The following PHF21B variants were observed in gnomAD, a reference collection of about 807,000 sequenced individuals.
PHF21B encodes PHD finger protein 21B.
PHF21B carries 22 observed loss-of-function variants against 62.2 expected under a neutral mutation model. That is an observed-to-expected ratio of 0.35 (90% confidence interval 0.25 to 0.51). The LOEUF is 0.51. PHF21B is among the 20% of genes least tolerant of loss of function. PHF21B has a pLI of 0.97. For synonymous variants in PHF21B, 341 were observed against 314.7 expected, an observed-to-expected ratio of 1.08 and a Z score of -0.88; for missense variants, 701 against 707.9, an observed-to-expected ratio of 0.99 and a Z score of 0.11.
At chr22:44,939,805 G>A (rs1487898985) in intron 2 of PHF21B, among the ~76,000 whole-genome samples, 2 of 152,176 alleles carry the variant, frequency 1.3e-5, no homozygotes, top group African/African-American at 4.8e-5. Context: ...GAGCCCAGCA[G>A]TCCAGGAGCT....
intron 2 of PHF21B, among the ~76,000 whole-genome samples, chr22:44,953,206 C>T (rs1283768776): frequency 6.6e-6 from 1 of 152,226 alleles, no homozygotes; most frequent in Admixed American, 6.5e-5. Flanking sequence ...AAATGGCTCT[C>T]ACAGGTCTGA....
intron 2 of PHF21B, among the ~76,000 whole-genome samples, chr22:44,992,028 C>T (rs777823522): frequency 1.3e-5 from 2 of 152,242 alleles, no homozygotes; most frequent in Non-Finnish European, 2.9e-5. Flanking sequence ...TTGGTCGGGT[C>T]TCACCCCAGA....
intron 3 of PHF21B, among the ~76,000 whole-genome samples, chr22:44,919,040 C>T (rs1005683030): frequency 1.3e-5 from 2 of 152,198 alleles, no homozygotes; most frequent in East Asian, 1.9e-4. Flanking sequence ...TCTCACCCTG[C>T]ACCCTCCTCC....
chr22:44,903,537 T>C (rs900359375), intron 5 of PHF21B, among the ~76,000 whole-genome samples: 1 of 152,198 alleles, frequency 6.6e-6, no homozygotes, highest in African/African-American at 2.4e-5. Flanking sequence ...TCTAAGTAGC[T>C]GCTCTGTTCC....
intron 5 of PHF21B, among the ~76,000 whole-genome samples, chr22:44,906,073 G>T (rs553099656): frequency 6.6e-6 from 1 of 152,284 alleles, no homozygotes; most frequent in Admixed American, 6.5e-5. Context: ...TGTGTGAGCT[G>T]CCCACCCTCA....
intron 2 of PHF21B, among the ~76,000 whole-genome samples, chr22:44,948,036 G>A (rs2072114079): frequency 1.8e-5 from 1 of 54,932 alleles, no homozygotes; most frequent in Non-Finnish European, 4.5e-5. Flanking sequence ...GTCCCGTTCG[G>A]ACGTGATGCT....
rs2070764217 is a variant in PHF21B at position 44,882,936 on chromosome 22, C to G, written c.*150G>C. On this transcript the variant is annotated 3_prime_UTR_variant, in exon 13 of 13. Transcript: ENST00000313237. ...CCCACCTGGTCCTGGCTCTAGGCCT[C>G]TCGCCCAGCTCTTCCTCCCTCCTCT... The G allele has an allele frequency of 1.0e-6, 1 of 993,246 alleles. No individual in the cohort carries two copies. Among genetic ancestry groups the G allele is most frequent in the African/African-American group, 1.6e-5 (1 of 61,618 alleles). 61.5% of individuals were successfully genotyped at this position (993,246 alleles called of 1,614,324 possible). A position where few individuals can be genotyped will look rare whatever the true frequency, so the allele number is the denominator to read the frequency against.
intron 2 of PHF21B, among the ~76,000 whole-genome samples, chr22:44,939,188 A>T (rs1471730825): frequency 6.6e-6 from 1 of 152,210 alleles, no homozygotes; most frequent in Admixed American, 6.5e-5. Context: ...CTGAGCCAAA[A>T]GCAGGCTGCT....
At chr22:44,925,749 C>T (rs898575517) in intron 2 of PHF21B, among the ~76,000 whole-genome samples, 4 of 152,178 alleles carry the variant, frequency 2.6e-5, no homozygotes, top group Non-Finnish European at 4.4e-5. Context: ...TCCCCTAATG[C>T]ATGTCTCAAA....
rs746738032 is a variant in PHF21B at position 44,885,947 on chromosome 22, C to T, written c.1198-9G>A. On this transcript the variant is annotated splice_polypyrimidine_tract_variant and intron_variant, in intron 10 of 12. Transcript: ENST00000313237. ...TCGTCTTTCTTTAAGGCCTGGGGAG[C>T]AGACGGGGAGATGAAAAAGTGGACA... The T allele has an allele frequency of 6.2e-6, 10 of 1,613,320 alleles. No individual in the cohort carries two copies. In the East Asian group the frequency reaches 2.2e-4, roughly 36 times the overall value.
chr22:44,912,118 G>A (rs1358362237), intron 5 of PHF21B, among the ~76,000 whole-genome samples: 2 of 152,206 alleles, frequency 1.3e-5, no homozygotes, highest in Non-Finnish European at 2.9e-5. Context: ...TCTCCCATTT[G>A]GAATGGCTGT....
intron 2 of PHF21B, among the ~76,000 whole-genome samples, chr22:44,945,346 C>T (rs957193152): frequency 6.6e-6 from 1 of 152,204 alleles, no homozygotes; most frequent in African/African-American, 2.4e-5. Context: ...GATTTAACTC[C>T]GTCTGAGTGA....
At chr22:44,963,950 C>A (rs2072474531) in intron 2 of PHF21B, among the ~76,000 whole-genome samples, 1 of 152,204 alleles carries the variant, frequency 6.6e-6, no homozygotes, top group Non-Finnish European at 1.5e-5. Flanking sequence ...ACACAGAGGG[C>A]ACTCAGGGTC....
intron 2 of PHF21B, among the ~76,000 whole-genome samples, chr22:44,942,790 G>A (rs760846712): frequency 7.2e-5 from 11 of 152,152 alleles, no homozygotes; most frequent in African/African-American, 9.7e-5. Context: ...GAGGACACCC[G>A]GGACGGGGGT....
chr22:44,944,495 A>C (rs1213650276), intron 2 of PHF21B, among the ~76,000 whole-genome samples: 1 of 152,092 alleles, frequency 6.6e-6, no homozygotes, highest in Non-Finnish European at 1.5e-5. Context: ...TGCATCAATA[A>C]CAAGTTTGTA....
At chr22:44,892,388 C>G (rs1176004947) in intron 7 of PHF21B, among the ~76,000 whole-genome samples, 1 of 152,238 alleles carries the variant, frequency 6.6e-6, no homozygotes, top group African/African-American at 2.4e-5. Context: ...ATGGTGGGCT[C>G]TCCCCACAGA....
At chr22:45,007,760 C>A (rs1460172238) in intron 2 of PHF21B, among the ~76,000 whole-genome samples, 1 of 85,604 alleles carries the variant, frequency 1.2e-5, no homozygotes, top group African/African-American at 4.6e-5. Context: ...GGGGGAGGGG[C>A]AGCGGAGGAG....
chr22:44,937,299 C>G (rs1024421228), intron 2 of PHF21B, among the ~76,000 whole-genome samples: 1 of 152,180 alleles, frequency 6.6e-6, no homozygotes, highest in Admixed American at 6.5e-5. Context: ...CTTGAAGGAC[C>G]AAGTTCCAGG....
chr22:44,921,614 C>A lies in PHF21B; in HGVS notation c.121-1124G>T, dbSNP rs187485985. On this transcript the variant is annotated intron_variant, in intron 2 of 12. Transcript: ENST00000313237. Reference sequence around the variant, plus strand: ...TCTCCTGACCTCATGATCCACCCCCCGCCTCGGCCTCCCAAAGTGCTAGGA... The same window carrying A: ...TCTCCTGACCTCATGATCCACCCCCAGCCTCGGCCTCCCAAAGTGCTAGGA... Among the ~76,000 whole-genome samples, 25 of 151,894 alleles carry A rather than the reference C, an allele frequency of 1.6e-4. No individual in the cohort carries two copies. The East Asian group carries it at 4.7e-3, about 28-fold the overall frequency.
Sources: gnomAD v4.1 joint callset for allele counts (sites outside exome capture counted in the v4.1 genomes callset) on GRCh38, gnomAD v4.1.1 for gene constraint, MANE v1.5 for transcripts, NCBI Gene and HGNC (gene_info 2026-07-23, HGNC 2026-07-21) for gene names.